Variants in TRPM7 observed in about 807,000 individuals in gnomAD.
TRPM7 encodes transient receptor potential cation channel subfamily M member 7.
In TRPM7, 134 loss-of-function variants were observed where a neutral mutation model predicts 229.7. The ratio of observed to expected loss-of-function variants is 0.58; its 90% confidence interval spans 0.51 to 0.67. The LOEUF (loss-of-function observed/expected upper bound fraction) is 0.67, where lower values mean the gene tolerates loss of function less well. Ranked by LOEUF, TRPM7 falls within the 30% of genes least tolerant of loss-of-function variation. TRPM7 has a pLI of 0.00. For missense variants in TRPM7, 1,901 were observed against 2,210.0 expected, an observed-to-expected ratio of 0.86 and a Z score of 2.80; for synonymous variants, 699 against 715.2, an observed-to-expected ratio of 0.98 and a Z score of 0.36.
At chr15:50,580,727 C>T in intron 30 of TRPM7, 147 bp downstream of exon 30, 1 of 592,354 alleles carries the variant, frequency 1.7e-6, no homozygotes, top group South Asian at 3.8e-5. Context: ...TTCCCCTAAT[C>T]TCATCTATGT....
chr15:50,668,340 C>T (rs879572697), intron 1 of TRPM7, among the ~76,000 whole-genome samples: 2 of 152,094 alleles, frequency 1.3e-5, no homozygotes, highest in African/African-American at 4.8e-5. Flanking sequence ...CGTCGCTGAT[C>T]CTTTATTTTG....
rs777323061 is a variant in TRPM7 at position 50,611,085 on chromosome 15, A to C, written c.2280+8T>G. The C allele has an allele frequency of 6.3e-7, 1 of 1,590,094 alleles. No individual in the cohort carries two copies. Among genetic ancestry groups the C allele is most frequent in the Admixed American group, 1.7e-5 (1 of 59,498 alleles). On this transcript the variant is annotated splice_region_variant and intron_variant, in intron 17 of 38. Transcript: ENST00000646667. ...CATGCTTTATATCAAATTATTTCTA[A>C]AGTATACCTTGTACCAGGAATTTTT...
intron 21 of TRPM7, among the ~76,000 whole-genome samples, chr15:50,602,732 G>A (rs2059814190): frequency 1.3e-5 from 2 of 152,104 alleles, no homozygotes; most frequent in African/African-American, 2.4e-5. Flanking sequence ...GATACACAAT[G>A]ACGAAATAAT....
intron 1 of TRPM7, among the ~76,000 whole-genome samples, chr15:50,665,662 T>C (rs62017207): frequency 0.15 from 22,239 of 152,148 alleles, 2,216 homozygotes; most frequent in Admixed American, 0.28. Flanking sequence ...AAATGGTGCA[T>C]GTATAGGAAA....
Position 50,560,709 on chromosome 15 carries a change from T to C in TRPM7, c.*969A>G, listed in dbSNP as rs756280886. On this transcript the variant is annotated 3_prime_UTR_variant, in exon 39 of 39. Coordinates refer to ENST00000646667, the MANE Select transcript of TRPM7 (RefSeq NM_017672.6). ...AATCCAACTGAATTAATTTCTTAAG[T>C]ACCACAAACAGCATTCATGTTCAAA... 7 of 152,646 alleles carry C rather than the reference T, an allele frequency of 4.6e-5. No homozygotes were observed. The highest frequency in any genetic ancestry group is 1.0e-4 in the Non-Finnish European group (7 of 68,028). 9.5% of individuals were successfully genotyped at this position (152,646 alleles called of 1,614,324 possible).
chr15:50,676,877 C>T (rs925983621), intron 1 of TRPM7, among the ~76,000 whole-genome samples: 3 of 152,126 alleles, frequency 2.0e-5, no homozygotes, highest in African/African-American at 7.2e-5. Context: ...AATATTAATT[C>T]TACACAAATC....
intron 15 of TRPM7, 66 bp downstream of exon 15, chr15:50,613,641 T>G: frequency 7.4e-7 from 1 of 1,354,044 alleles, no homozygotes; most frequent in Non-Finnish European, 9.7e-7. Flanking sequence ...TTTTGTTTAA[T>G]AATACTAAGT....
intron 10 of TRPM7, among the ~76,000 whole-genome samples, chr15:50,629,071 G>C (rs537231469): frequency 7.3e-4 from 111 of 152,188 alleles, no homozygotes; most frequent in African/African-American, 2.6e-3. Context: ...AGGTTATTTT[G>C]AATTTTTTGC....
At chr15:50,564,958 TTAATTA>T (rs1017038216) in intron 38 of TRPM7, among the ~76,000 whole-genome samples, 1 of 152,000 alleles carries the variant, frequency 6.6e-6, no homozygotes, top group African/African-American at 2.4e-5. Context: ...CATCTCAACT[TTAATTA>T]TATTATCTAG....
intron 30 of TRPM7, among the ~76,000 whole-genome samples, chr15:50,579,408 G>A (rs1401566249): frequency 6.6e-6 from 1 of 152,136 alleles, no homozygotes; most frequent in Non-Finnish European, 1.5e-5. Context: ...GTTTCCTGTT[G>A]ATTTTCACCT....
In TRPM7 at chr15:50,612,587, C is replaced by A. The variant is rs766114636; in HGVS notation, c.2013G>T (p.Leu671=). The change falls in exon 16 of 39, where the codon CTG becomes CTT. Residue 671 remains leucine (L), a synonymous_variant. Coordinates refer to ENST00000646667, the MANE Select transcript of TRPM7 (RefSeq NM_017672.6). ...SMAYEAKQSD[L]VDDTSEELKQ... ...TTAGTTCTTCTGAAGTATCATCTAC[C>A]AGGTCACTCTGCTTTGCTTCATATG... 4 of 1,613,512 alleles carry A rather than the reference C, an allele frequency of 2.5e-6. No homozygotes were observed. The East Asian group carries it at 6.7e-5, about 27-fold the overall frequency.
intron 11 of TRPM7, among the ~76,000 whole-genome samples, 165 bp downstream of exon 11, chr15:50,627,984 C>T (rs1048188135): frequency 2.0e-5 from 3 of 152,166 alleles, no homozygotes. Flanking sequence ...TAGAGGCATA[C>T]ATTAAATCCT....
chr15:50,682,306 G>A (rs1013573301), intron 1 of TRPM7, among the ~76,000 whole-genome samples: 1 of 151,608 alleles, frequency 6.6e-6, no homozygotes, highest in Non-Finnish European at 1.5e-5. Flanking sequence ...ACCCCTACGT[G>A]GACAGAAAAC....
intron 3 of TRPM7, among the ~76,000 whole-genome samples, chr15:50,651,431 G>A (rs752723649): frequency 1.3e-5 from 2 of 151,396 alleles, no homozygotes; most frequent in Admixed American, 6.6e-5. Context: ...GGATCACGAG[G>A]TCAGGAGATC....
chr15:50,660,390 C>T (rs769779253), intron 2 of TRPM7, among the ~76,000 whole-genome samples: 9 of 151,924 alleles, frequency 5.9e-5, no homozygotes, highest in African/African-American at 2.2e-4. Flanking sequence ...TAAATGTATA[C>T]CAGGCACGGT....
At chr15:50,641,582 T>C (rs2061102055) in intron 5 of TRPM7, among the ~76,000 whole-genome samples, 2 of 152,200 alleles carry the variant, frequency 1.3e-5, no homozygotes, top group South Asian at 4.1e-4. Flanking sequence ...ACGTTATACA[T>C]TACTGAGTTA....
At chr15:50,616,140 TTTTTAA>T (rs1183236114) in intron 13 of TRPM7, among the ~76,000 whole-genome samples, 2 of 152,126 alleles carry the variant, frequency 1.3e-5, no homozygotes, top group African/African-American at 4.8e-5. Flanking sequence ...GAAGAAGAAA[TTTTTAA>T]ATTAGGTAAA....
intron 3 of TRPM7, among the ~76,000 whole-genome samples, chr15:50,652,297 C>T (rs1455887637): frequency 3.3e-5 from 4 of 119,992 alleles, no homozygotes; most frequent in South Asian, 2.8e-4. Context: ...CATGCCACTG[C>T]ACTGCAGCCT....
At chr15:50,652,881 G>A (rs1237199908) in intron 3 of TRPM7, among the ~76,000 whole-genome samples, 1 of 152,072 alleles carries the variant, frequency 6.6e-6, no homozygotes, top group Non-Finnish European at 1.5e-5. Context: ...AAAAGACTAG[G>A]CCGGGCACAC....
Sources: allele counts gnomAD v4.1 joint callset (sites outside exome capture counted in the v4.1 genomes callset), GRCh38; gene constraint gnomAD v4.1.1; transcripts MANE v1.5; gene names NCBI Gene and HGNC (gene_info 2026-07-23, HGNC 2026-07-21).